The following DOCK2 variants were observed in gnomAD, a reference collection of about 807,000 sequenced individuals.
The protein encoded by DOCK2 is dedicator of cytokinesis protein 2.
In DOCK2, 87 loss-of-function variants were observed where a neutral mutation model predicts 248.9. The observed-to-expected ratio is 0.35, with a 90% CI of 0.29 to 0.42. DOCK2 has a LOEUF of 0.42. Ranked by LOEUF, DOCK2 falls within the 10% of genes least tolerant of loss-of-function variation. The probability of loss-of-function intolerance (pLI) is 1.00; values close to 1 mark genes in which losing one functional copy is unlikely to be tolerated. For synonymous variants in DOCK2, 805 were observed against 821.6 expected (o/e 0.98, Z 0.35); for missense variants, 1,747 against 2,300.2 (o/e 0.76, Z 4.92).
chr5:170,036,027 G>A (rs1385351115), intron 35 of DOCK2, among the ~76,000 whole-genome samples: 2 of 152,140 alleles, frequency 1.3e-5, no homozygotes, highest in South Asian at 2.1e-4. Flanking sequence ...ATGTTTTGGC[G>A]ACAGAATCCC....
At chr5:169,695,680 A>T (rs1407251930) in intron 9 of DOCK2, 123 bp from the exon 10 acceptor site, 6 of 1,335,412 alleles carry the variant, frequency 4.5e-6, no homozygotes, top group Non-Finnish European at 6.1e-6. Flanking sequence ...TTATTGTATG[A>T]TTGGTCCATG....
intron 45 of DOCK2, 21 bp from the exon 46 acceptor site, chr5:170,069,116 C>A (rs1757593396): frequency 6.2e-7 from 1 of 1,609,984 alleles, no homozygotes. Context: ...GAAACCCTGA[C>A]CTCCTATCTG....
chr5:169,782,832 C>G (rs572302073), intron 25 of DOCK2, among the ~76,000 whole-genome samples: 2 of 152,272 alleles, frequency 1.3e-5, no homozygotes, highest in South Asian at 4.1e-4. Context: ...AGACCTGTAT[C>G]GTTAACTGGC....
chr5:169,724,196 T>C (rs1288674791), intron 22 of DOCK2, among the ~76,000 whole-genome samples: 1 of 152,128 alleles, frequency 6.6e-6, no homozygotes, highest in East Asian at 1.9e-4. Context: ...CTGAGTGACA[T>C]TAGGGGCTGC....
At chr5:169,658,479 CAAA>C (rs5873187) in intron 2 of DOCK2, among the ~76,000 whole-genome samples, 3 of 76,038 alleles carry the variant, frequency 3.9e-5, no homozygotes, top group South Asian at 5.2e-4. Flanking sequence ...GCCTCCGTCT[CAAA>C]AAAAAAAAAA....
intron 27 of DOCK2, among the ~76,000 whole-genome samples, chr5:169,918,954 T>C (rs1433072746): frequency 6.6e-6 from 1 of 152,096 alleles, no homozygotes; most frequent in Non-Finnish European, 1.5e-5. Context: ...GGGCCAGATA[T>C]ATGAGTATGT....
intron 48 of DOCK2, among the ~76,000 whole-genome samples, chr5:170,078,760 G>A (rs1402979503): frequency 1.3e-5 from 2 of 152,122 alleles, no homozygotes; most frequent in Admixed American, 6.5e-5. Flanking sequence ...ATTTTACCAC[G>A]AATAAAATAA....
At chr5:169,916,630 G>A (rs1462363089) in intron 27 of DOCK2, among the ~76,000 whole-genome samples, 1 of 152,170 alleles carries the variant, frequency 6.6e-6, no homozygotes, top group East Asian at 1.9e-4. Flanking sequence ...GCTTAGAAGA[G>A]TACCTGGCAC....
At chr5:169,751,825 G>A (rs1239783046) in intron 23 of DOCK2, among the ~76,000 whole-genome samples, 4 of 152,194 alleles carry the variant, frequency 2.6e-5, no homozygotes, top group African/African-American at 4.8e-5. Context: ...ACATGGAACT[G>A]GGATCTTCAT....
intron 26 of DOCK2, among the ~76,000 whole-genome samples, chr5:169,832,846 T>A (rs1769315553): frequency 6.8e-6 from 1 of 147,976 alleles, no homozygotes; most frequent in South Asian, 2.1e-4. Context: ...ACATTCTTTC[T>A]CTTTTGCTTA....
intron 27 of DOCK2, among the ~76,000 whole-genome samples, chr5:169,870,747 C>T (rs1208062640): frequency 1.3e-5 from 2 of 152,118 alleles, no homozygotes; most frequent in South Asian, 2.1e-4. Flanking sequence ...ATTTTATCCT[C>T]ATGATAGCCC....
intron 30 of DOCK2, chr5:170,000,547 A>T (rs1754795788): frequency 6.6e-6 from 1 of 151,994 alleles, no homozygotes; most frequent in African/African-American, 2.4e-5. Flanking sequence ...ATCCAGAAGC[A>T]CTCTCTGCCC....
intron 42 of DOCK2, among the ~76,000 whole-genome samples, chr5:170,055,985 C>G (rs1757114188): frequency 6.6e-6 from 1 of 152,224 alleles, no homozygotes. Context: ...AGCTCATTCC[C>G]CCTACCCCAT....
chr5:169,953,426 G>A (rs1776747582), intron 27 of DOCK2, among the ~76,000 whole-genome samples: 1 of 151,890 alleles, frequency 6.6e-6, no homozygotes, highest in Non-Finnish European at 1.5e-5. Flanking sequence ...TGAGAGTTAT[G>A]TGACTGTGGG....
chr5:169,916,649 T>C (rs1158555739), intron 27 of DOCK2, among the ~76,000 whole-genome samples: 1 of 150,460 alleles, frequency 6.6e-6, no homozygotes, highest in African/African-American at 2.5e-5. Context: ...ACATAGTAGG[T>C]ATTAGGTTAG....
chr5:169,972,542 CAGATAGATAGATAGATAGAT>C (rs143089504), intron 27 of DOCK2, among the ~76,000 whole-genome samples: 1 of 141,330 alleles, frequency 7.1e-6, no homozygotes, highest in Non-Finnish European at 1.5e-5. Context: ...CACTGTGAGA[CAGATAGATAGATAGATAGAT>C]AGATAGATAG....
At position 169,759,542 on chromosome 5, in the gene DOCK2, G is replaced by A. The variant is rs550662338; in HGVS notation, c.2377-163G>A. Among the ~76,000 whole-genome samples, 4 of 152,264 alleles carry A rather than the reference G, an allele frequency of 2.6e-5. 1 individual carries two copies. In the South Asian group the frequency reaches 8.3e-4, roughly 32 times the overall value. Reference sequence around the variant, plus strand: ...TTCACTTTTGTATACAAAGAAGTCCGTGCTTATGTTTTGATGTCCATACAG... The same window carrying A: ...TTCACTTTTGTATACAAAGAAGTCCATGCTTATGTTTTGATGTCCATACAG... On this transcript the variant is annotated intron_variant, in intron 23 of 51. Transcript: ENST00000520908.
At chr5:169,777,252 A>T (rs549487581) in intron 25 of DOCK2, among the ~76,000 whole-genome samples, 1 of 152,332 alleles carries the variant, frequency 6.6e-6, no homozygotes, top group Admixed American at 6.5e-5. Flanking sequence ...TGAGTTAAGG[A>T]GTTGGAGTAA....
intron 30 of DOCK2, 35 bp downstream of exon 30, chr5:169,996,199 G>A (rs1443955787): frequency 1.2e-6 from 2 of 1,601,316 alleles, no homozygotes; most frequent in Middle Eastern, 1.7e-4. Context: ...CCTTGGAGCT[G>A]CCCAGGGCGT....
Sources: allele counts gnomAD v4.1 joint callset (sites outside exome capture counted in the v4.1 genomes callset), GRCh38; gene constraint gnomAD v4.1.1; transcripts MANE v1.5; gene names NCBI Gene and HGNC (gene_info 2026-07-23, HGNC 2026-07-21).